NOL4: variants seen among roughly 807,000 people sequenced by gnomAD.
NOL4 encodes nucleolar protein 4, also known as cancer/testis antigen 125.
Under a neutral mutation model 75.9 loss-of-function variants are expected in NOL4, and 17 were observed. That is an observed-to-expected ratio of 0.22 (90% CI 0.15 to 0.34). NOL4 has a LOEUF of 0.34. Among genes scored for constraint, NOL4 ranks in the 10% least tolerant of loss-of-function variants. The pLI, the probability that NOL4 is intolerant of heterozygous loss-of-function variation, is 1.00. For missense variants in NOL4, 614 were observed against 793.5 expected (o/e 0.77, Z 2.72); for synonymous variants, 292 against 289.9 (o/e 1.01, Z -0.07).
At chr18:34,114,243 G>C (rs1243105078) in intron 2 of NOL4, among the ~76,000 whole-genome samples, 1 of 152,118 alleles carries the variant, frequency 6.6e-6, no homozygotes, top group Non-Finnish European at 1.5e-5. Flanking sequence ...GTGAGAACAT[G>C]TTTCACTTGA....
Position 34,008,571 on chromosome 18 carries a change from C to T in NOL4, c.1056+10747G>A, listed in dbSNP as rs548502609. On this transcript the variant is annotated intron_variant, in intron 6 of 10. Transcript: ENST00000261592. ...GTGAAAATGTAATTGATAAAAAATA[C>T]TTAATTATTTTACGTGAAGTTTGCA... 2.0e-5 allele frequency among the ~76,000 whole-genome samples: 3 copies of T among 151,896 alleles called. No homozygotes were observed. The South Asian group carries it at 6.2e-4, about 32-fold the overall frequency.
In NOL4 at chr18:34,223,335, C is replaced by A; in HGVS notation, c.-82G>T. On this transcript the variant is annotated 5_prime_UTR_variant, in exon 1 of 11. Coordinates refer to ENST00000261592, the MANE Select transcript of NOL4 (RefSeq NM_003787.5). The stretch of plus-strand genomic sequence containing the variant: ...CCTAGGCTCATGAAAAATGCAGCCC[C>A]GGCCACGTTGCAGGGATGCGAGGTC... The A allele has an allele frequency of 1.3e-6, 2 of 1,540,332 alleles. No homozygotes were observed. The highest frequency in any genetic ancestry group is 1.7e-6 in the Non-Finnish European group (2 of 1,146,752).
chr18:34,078,254 T>G (rs2077836476), intron 5 of NOL4, among the ~76,000 whole-genome samples: 1 of 152,206 alleles, frequency 6.6e-6, no homozygotes, highest in African/African-American at 2.4e-5. Context: ...CTATCAACAT[T>G]GGTCACATCA....
chr18:34,107,964 A>C (rs2145713107), intron 2 of NOL4, among the ~76,000 whole-genome samples: 1 of 152,218 alleles, frequency 6.6e-6, no homozygotes, highest in African/African-American at 2.4e-5. Context: ...ATATATGTCA[A>C]CTCTCCCTCA....
chr18:34,189,316 C>A lies in NOL4; in HGVS notation c.264+33674G>T, dbSNP rs1280773063. ...AGCAAGAGTGATACTCGCTCACTCC[C>A]TAAGAATTCACCAGTTCCACAAGAG... On this transcript the variant is annotated intron_variant, in intron 1 of 10. Transcript: ENST00000261592. 2.0e-5 allele frequency among the ~76,000 whole-genome samples: 3 copies of A among 152,248 alleles called. No individual in the cohort carries two copies. The East Asian group carries it at 5.8e-4, about 29-fold the overall frequency.
intron 9 of NOL4, among the ~76,000 whole-genome samples, chr18:33,918,963 T>C (rs1209110265): frequency 6.6e-6 from 1 of 152,152 alleles, no homozygotes; most frequent in Non-Finnish European, 1.5e-5. Flanking sequence ...TAGATTAGTA[T>C]CTATTAGTAA....
chr18:34,179,263 C>T (rs1600809166), intron 1 of NOL4, among the ~76,000 whole-genome samples: 1 of 151,102 alleles, frequency 6.6e-6, no homozygotes, highest in Non-Finnish European at 1.5e-5. Flanking sequence ...ACAAAAATAA[C>T]AAAACAAACA....
At chr18:34,093,671 C>G (rs2145554669) in intron 4 of NOL4, 74 bp from the exon 5 acceptor site, 1 of 1,134,496 alleles carries the variant, frequency 8.8e-7, no homozygotes, top group Non-Finnish European at 1.2e-6. Flanking sequence ...TTTATCTACA[C>G]AGTCAATTGA....
intron 10 of NOL4, among the ~76,000 whole-genome samples, chr18:33,876,623 G>T (rs1444873530): frequency 6.6e-6 from 1 of 152,014 alleles, no homozygotes; most frequent in African/African-American, 2.4e-5. Context: ...CTGTTACAGG[G>T]AATGACTATT....
chr18:33,960,706 G>A (rs1467356972), intron 6 of NOL4, among the ~76,000 whole-genome samples: 3 of 152,132 alleles, frequency 2.0e-5, no homozygotes, highest in Non-Finnish European at 4.4e-5. Flanking sequence ...TTTTCCCAAT[G>A]TCACATAGCT....
chr18:33,927,173 T>C (rs2067386344), intron 9 of NOL4, among the ~76,000 whole-genome samples: 1 of 152,132 alleles, frequency 6.6e-6, no homozygotes. Context: ...TCTTAAGTAA[T>C]AAAACCAAGA....
intron 1 of NOL4, among the ~76,000 whole-genome samples, chr18:34,188,413 G>T (rs769039833): frequency 7.2e-5 from 11 of 152,080 alleles, no homozygotes; most frequent in Non-Finnish European, 1.6e-4. Flanking sequence ...ATATAGTGGG[G>T]CTATGTCCCA....
At chr18:33,921,129 A>T (rs556923859) in intron 9 of NOL4, among the ~76,000 whole-genome samples, 1 of 152,278 alleles carries the variant, frequency 6.6e-6, no homozygotes, top group Admixed American at 6.5e-5. Context: ...TGTCTTTTAG[A>T]AGCAGGTAAC....
intron 9 of NOL4, among the ~76,000 whole-genome samples, chr18:33,920,048 C>T (rs919035764): frequency 2.6e-5 from 4 of 152,152 alleles, no homozygotes; most frequent in African/African-American, 7.2e-5. Context: ...TAAATGACAA[C>T]TCCAATACTT....
chr18:33,919,846 A>G (rs965990808), intron 9 of NOL4, among the ~76,000 whole-genome samples: 1 of 152,204 alleles, frequency 6.6e-6, no homozygotes, highest in Admixed American at 6.5e-5. Context: ...AAACTGAATA[A>G]CTATGATTAC....
At chr18:33,988,911 G>A (rs1230219577) in intron 6 of NOL4, among the ~76,000 whole-genome samples, 6 of 151,874 alleles carry the variant, frequency 4.0e-5, no homozygotes, top group Non-Finnish European at 8.8e-5. Context: ...TAAAATTATT[G>A]GCAAGACTGG....
chr18:34,153,402 A>T (rs1165634635), intron 1 of NOL4, among the ~76,000 whole-genome samples: 3 of 151,968 alleles, frequency 2.0e-5, no homozygotes, highest in Admixed American at 1.3e-4. Flanking sequence ...TATTAGGTGA[A>T]AATAATATTT....
chr18:34,079,558 C>T (rs1457901908), intron 5 of NOL4, among the ~76,000 whole-genome samples: 1 of 152,074 alleles, frequency 6.6e-6, no homozygotes, highest in Non-Finnish European at 1.5e-5. Flanking sequence ...ATGAGACACA[C>T]ACTTGCTCCG....
chr18:33,854,440 A>G (rs1445103805), intron 10 of NOL4, among the ~76,000 whole-genome samples: 1 of 152,070 alleles, frequency 6.6e-6, no homozygotes, highest in Admixed American at 6.6e-5. Flanking sequence ...TTGTTCTGCT[A>G]TTTACAAAAT....
Sources: allele counts gnomAD v4.1 joint callset (sites outside exome capture counted in the v4.1 genomes callset), GRCh38; gene constraint gnomAD v4.1.1; transcripts MANE v1.5; gene names NCBI Gene and HGNC (gene_info 2026-07-23, HGNC 2026-07-21).